Variants in TM7SF3 observed in about 807,000 individuals in gnomAD.
The protein encoded by TM7SF3 is transmembrane 7 superfamily member 3.
In TM7SF3, 60 loss-of-function variants were observed where a neutral mutation model predicts 65.5. The observed-to-expected ratio is 0.92, with a 90% CI of 0.74 to 1.14. The LOEUF is 1.14. Ranked by LOEUF, TM7SF3 falls within the 50% of genes most tolerant of loss-of-function variation. The pLI, the probability that TM7SF3 is intolerant of heterozygous loss-of-function variation, is 0.00. For synonymous variants in TM7SF3, 264 were observed against 259.6 expected (o/e 1.02, Z -0.16); for missense variants, 623 against 684.8 (o/e 0.91, Z 1.01).
chr12:27,001,520 T>C (rs1940830897), intron 2 of TM7SF3, among the ~76,000 whole-genome samples: 1 of 152,224 alleles, frequency 6.6e-6, no homozygotes, highest in Admixed American at 6.5e-5. Context: ...TTTATATTTA[T>C]ATTTGAGTCC....
intron 7 of TM7SF3, among the ~76,000 whole-genome samples, chr12:26,981,727 T>G (rs1565869083): frequency 6.6e-6 from 1 of 152,226 alleles, no homozygotes; most frequent in African/African-American, 2.4e-5. Context: ...GGATTACATT[T>G]GAGCTACCTT....
intron 9 of TM7SF3, among the ~76,000 whole-genome samples, chr12:26,977,764 TAATG>T (rs1565865899): frequency 1.1e-5 from 1 of 94,906 alleles, no homozygotes; most frequent in African/African-American, 4.2e-5. Context: ...AGGAAAAAAA[TAATG>T]TGTGTGTGTG....
intron 1 of TM7SF3, among the ~76,000 whole-genome samples, chr12:27,007,431 A>G (rs1433626749): frequency 6.6e-6 from 1 of 151,972 alleles, no homozygotes; most frequent in Non-Finnish European, 1.5e-5. Context: ...ACATTTCTTT[A>G]TTTCTTAAAT....
intron 7 of TM7SF3, 38 bp downstream of exon 7, chr12:26,982,735 C>G: frequency 1.4e-6 from 2 of 1,466,474 alleles, no homozygotes; most frequent in Non-Finnish European, 1.9e-6. Context: ...ACTGAAAAGA[C>G]TGCAAAATGG....
chr12:26,995,497 T>G, intron 4 of TM7SF3, 89 bp from the exon 5 acceptor site: 1 of 1,330,164 alleles, frequency 7.5e-7, no homozygotes, highest in Non-Finnish European at 1.0e-6. Flanking sequence ...TTTCAAACAC[T>G]TGCAACAATA....
At chr12:26,977,677 T>C (rs1416391750) in intron 9 of TM7SF3, among the ~76,000 whole-genome samples, 3 of 151,912 alleles carry the variant, frequency 2.0e-5, no homozygotes, top group African/African-American at 4.8e-5. Flanking sequence ...TCACTTGAAC[T>C]CGGGAGGTGG....
At chr12:27,002,107 A>C (rs1940855524) in intron 2 of TM7SF3, among the ~76,000 whole-genome samples, 1 of 152,170 alleles carries the variant, frequency 6.6e-6, no homozygotes, top group Non-Finnish European at 1.5e-5. Context: ...ATGGTAGGGG[A>C]AAGAAGGCAG....
At chr12:27,010,159 C>T (rs890043953) in intron 1 of TM7SF3, among the ~76,000 whole-genome samples, 3 of 152,230 alleles carry the variant, frequency 2.0e-5, no homozygotes, top group African/African-American at 7.2e-5. Flanking sequence ...GTGCTGCCAT[C>T]AGTTGGCTGC....
intron 9 of TM7SF3, 42 bp from the exon 10 acceptor site, chr12:26,976,399 C>T (rs1939566690): frequency 7.1e-7 from 1 of 1,398,868 alleles, no homozygotes; most frequent in East Asian, 2.3e-5. Context: ...AACAGCTTTA[C>T]CAAGTTAGAG....
intron 2 of TM7SF3, among the ~76,000 whole-genome samples, chr12:27,000,083 C>T (rs907062817): frequency 2.6e-5 from 4 of 152,152 alleles, no homozygotes; most frequent in Non-Finnish European, 5.9e-5. Context: ...GGGCAAGAAA[C>T]ATATCTGGGG....
intron 5 of TM7SF3, among the ~76,000 whole-genome samples, chr12:26,992,265 A>ATTT (rs1167974971): frequency 6.6e-6 from 1 of 151,902 alleles, no homozygotes; most frequent in African/African-American, 2.4e-5. Context: ...AGGCTATTTT[A>ATTT]TTTTTTTATT....
chr12:27,000,254 T>A (rs997294301), intron 2 of TM7SF3, among the ~76,000 whole-genome samples: 4 of 152,178 alleles, frequency 2.6e-5, no homozygotes. Context: ...GTAAAAATAA[T>A]CTTTGATCAG....
At chr12:26,992,276 A>T (rs1404323962) in intron 5 of TM7SF3, among the ~76,000 whole-genome samples, 1 of 151,776 alleles carries the variant, frequency 6.6e-6, no homozygotes, top group Non-Finnish European at 1.5e-5. Context: ...TTTTTTTATT[A>T]TTATTATTAT....
intron 6 of TM7SF3, among the ~76,000 whole-genome samples, chr12:26,986,167 C>G (rs1940092434): frequency 6.6e-6 from 1 of 152,080 alleles, no homozygotes; most frequent in African/African-American, 2.4e-5. Context: ...CCCTCCTAGG[C>G]CCATCTGCGC....
intron 2 of TM7SF3, among the ~76,000 whole-genome samples, chr12:27,003,022 T>C (rs947536113): frequency 1.3e-5 from 2 of 152,124 alleles, no homozygotes; most frequent in African/African-American, 4.8e-5. Context: ...AGCTCTCCAT[T>C]ACCCCTTTTT....
chr12:26,998,926 C>A (rs1430742477), intron 3 of TM7SF3, among the ~76,000 whole-genome samples: 1 of 152,188 alleles, frequency 6.6e-6, no homozygotes, highest in Non-Finnish European at 1.5e-5. Flanking sequence ...CATTTTTCTT[C>A]ATGACGTCGA....
chr12:26,999,776 A>C, intron 2 of TM7SF3, 100 bp from the exon 3 acceptor site: 1 of 1,257,564 alleles, frequency 8.0e-7, no homozygotes, highest in Non-Finnish European at 1.1e-6. Context: ...TCTTCCCAAA[A>C]CAAATAGAAA....
chr12:27,006,067 T>C (rs894379483), intron 1 of TM7SF3, among the ~76,000 whole-genome samples: 3 of 152,034 alleles, frequency 2.0e-5, no homozygotes, highest in Non-Finnish European at 2.9e-5. Context: ...CCCAAAGTGC[T>C]GGGATTACAA....
rs1939865597 is a variant in TM7SF3, at chr12:26,982,629, C to T, written c.955+144G>A. Reference sequence around the variant, plus strand: ...AAAAAAATAAAAATGCATTGCAACTCAGTAGACTCACGACTACAAGACCCC... The same window carrying T: ...AAAAAAATAAAAATGCATTGCAACTTAGTAGACTCACGACTACAAGACCCC... On this transcript the variant is annotated intron_variant, in intron 7 of 11. Transcript: ENST00000343028. 27 of 552,218 alleles carry T rather than the reference C, an allele frequency of 4.9e-5. No individual in the cohort carries two copies. The East Asian group carries it at 8.4e-4, about 17-fold the overall frequency. 34.2% of individuals were successfully genotyped at this position (552,218 alleles called of 1,614,324 possible).
Sources: allele counts gnomAD v4.1 joint callset (sites outside exome capture counted in the v4.1 genomes callset), GRCh38; gene constraint gnomAD v4.1.1; transcripts MANE v1.5; gene names NCBI Gene and HGNC (gene_info 2026-07-23, HGNC 2026-07-21).